The following ENPEP variants were observed in gnomAD, a reference collection of about 807,000 sequenced individuals.
The protein encoded by ENPEP is AP-A.
In ENPEP, 103 loss-of-function variants were observed where a neutral mutation model predicts 114.5. The ratio of observed to expected loss-of-function variants is 0.90; its 90% CI spans 0.77 to 1.06. The LOEUF is 1.06. Among genes scored for constraint, ENPEP ranks in the 50% least tolerant of loss-of-function variants. The pLI is 0.00. For missense variants in ENPEP, 1,196 were observed against 1,161.3 expected, an observed-to-expected ratio of 1.03 and a Z score of -0.43; for synonymous variants, 420 against 422.0, an observed-to-expected ratio of 1.00 and a Z score of 0.06.
rs1727746756 is a variant in ENPEP at position 110,563,686 on chromosome 4, A to G, written c.*2128A>G. On this transcript the variant is annotated 3_prime_UTR_variant, in exon 20 of 20. Transcript: ENST00000265162. The stretch of plus-strand genomic sequence containing the variant: ...GAAAAAAAGTAACCATTTAATTTCA[A>G]GAATTAACTGGAAAATATGGGAAGC... The G allele has an allele frequency of 6.6e-6, 1 of 152,230 alleles. No homozygotes were observed. The highest frequency in any genetic ancestry group is 2.1e-4 in the South Asian group (1 of 4,832). 9.4% of individuals were successfully genotyped at this position (152,230 alleles called of 1,614,324 possible).
Position 110,520,073 on chromosome 4 carries a change from G to C in ENPEP, c.1575G>C (p.Glu525Asp). The change falls in exon 9 of 20, where the codon GAG becomes GAC. Residue 525 changes from glutamate (E) to aspartate (D), a missense_variant and splice_region_variant. By Grantham distance (45) the Glu-to-Asp change is conservative (BLOSUM62 2). Transcript: ENST00000265162. ...CTGATTTTTGGGCAGCACTGGAAGA[G>C]GTAAGGAAGAGTATATGTCCCCAAA... is the stretch of plus-strand genomic sequence containing the variant. ...KTSDFWAALE[E>D]ASRLPVKEVM... 1 of 1,613,814 alleles carries C rather than the reference G, an allele frequency of 6.2e-7. No homozygotes were observed. The highest frequency in any genetic ancestry group is 8.5e-7 in the Non-Finnish European group (1 of 1,179,778).
At chr4:110,538,123 T>C (rs1004264107) in intron 11 of ENPEP, among the ~76,000 whole-genome samples, 1 of 152,220 alleles carries the variant, frequency 6.6e-6, no homozygotes, top group South Asian at 2.1e-4. Flanking sequence ...ACCAGCTGCA[T>C]CCACCCCTAA....
Position 110,561,398 on chromosome 4 carries a change from T to C in ENPEP, c.2722-8T>C. 1 of 1,612,800 alleles carries C rather than the reference T, an allele frequency of 6.2e-7. No homozygotes were observed. The highest frequency in any genetic ancestry group is 2.2e-5 in the East Asian group (1 of 44,846). On this transcript the variant is annotated splice_polypyrimidine_tract_variant and splice_region_variant and intron_variant, in intron 19 of 19. Transcript: ENST00000265162. ...TGACAATCCTAATTACTCCCCTCTC[T>C]TTTCTAGATGGAGAGCTTTTTTGCA...
intron 3 of ENPEP, chr4:110,506,149 C>T (rs1386654804): frequency 6.6e-6 from 1 of 152,236 alleles, no homozygotes; most frequent in African/African-American, 2.4e-5. Context: ...GGGCTCTTTG[C>T]ATGAGAAAAA....
chr4:110,507,512 T>C (rs929528048), intron 4 of ENPEP, among the ~76,000 whole-genome samples: 1 of 152,228 alleles, frequency 6.6e-6, no homozygotes, highest in African/African-American at 2.4e-5. Flanking sequence ...TTTACTTTAA[T>C]AACTTATCAA....
At chr4:110,525,874 C>G (rs1031923073) in intron 10 of ENPEP, among the ~76,000 whole-genome samples, 2 of 152,108 alleles carry the variant, frequency 1.3e-5, no homozygotes, top group East Asian at 3.9e-4. Flanking sequence ...GAGAGGGAAG[C>G]AGGAGGTGGA....
intron 13 of ENPEP, 138 bp downstream of exon 13, chr4:110,543,208 TTCC>T: frequency 1.2e-6 from 1 of 830,620 alleles, no homozygotes; most frequent in Non-Finnish European, 1.9e-6. Flanking sequence ...CATTATTGTT[TTCC>T]TTAACTCTCT....
chr4:110,541,252 A>T (rs1293600381), intron 11 of ENPEP, among the ~76,000 whole-genome samples: 1 of 152,062 alleles, frequency 6.6e-6, no homozygotes, highest in Non-Finnish European at 1.5e-5. Flanking sequence ...ATTATGAAAA[A>T]CTACTGTGTC....
At chr4:110,501,155 A>C (rs1463045896) in intron 3 of ENPEP, among the ~76,000 whole-genome samples, 1 of 152,208 alleles carries the variant, frequency 6.6e-6, no homozygotes, top group African/African-American at 2.4e-5. Context: ...GCTTTGGCTT[A>C]ATATGTTACA....
In ENPEP at chr4:110,491,064, G is replaced by A. The variant is rs546059710; in HGVS notation, c.818G>A (p.Arg273Gln). ...KEESVDDKWT[R>Q]TTFEKSVPMS... is the part of the protein sequence containing the mutation. ...GAGTCAGTGGATGATAAATGGACTC[G>A]AACAACTTTTGAGAAGTCTGTCCCC... Residue 273 changes from arginine to glutamine, a missense_variant, in exon 3 of 20, where the codon CGA (arginine) becomes CAA (glutamine). Transcript: ENST00000265162. 13 of 1,610,770 alleles carry A rather than the reference G, an allele frequency of 8.1e-6. No homozygotes were observed. The highest frequency in any genetic ancestry group is 6.7e-5 in the East Asian group (3 of 44,832).
In ENPEP at chr4:110,506,547, C is replaced by T. The variant is rs1725374480; in HGVS notation, c.919-90C>T. On this transcript the variant is annotated intron_variant, in intron 3 of 19. Transcript: ENST00000265162. ...TAGACATATCTGGCTCCAAAGCCCA[C>T]TTTCTTTCAAGTATGTTATGCATCA... 7 of 1,381,690 alleles carry T rather than the reference C, an allele frequency of 5.1e-6. No homozygotes were observed. In the South Asian group the frequency reaches 1.1e-4, roughly 22 times the overall value. The allele number at this position is 1,381,690 out of a possible 1,614,324, so 85.6% of individuals were successfully genotyped here. A position where few individuals can be genotyped will look rare whatever the true frequency, so the allele number is the denominator to read the frequency against.
chr4:110,533,323 G>A, intron 11 of ENPEP: 3 of 159,698 alleles, frequency 1.9e-5, no homozygotes, highest in Non-Finnish European at 4.1e-5. Context: ...AGAATATTTG[G>A]AATAATAAAT....
chr4:110,505,773 C>T (rs889599799), intron 3 of ENPEP, among the ~76,000 whole-genome samples: 9 of 152,182 alleles, frequency 5.9e-5, no homozygotes, highest in Non-Finnish European at 1.0e-4. Flanking sequence ...TTAGCAGACA[C>T]TAGTTGTCTG....
chr4:110,477,427 T>C (rs1488436279), intron 1 of ENPEP, among the ~76,000 whole-genome samples: 1 of 152,230 alleles, frequency 6.6e-6, no homozygotes, highest in African/African-American at 2.4e-5. Context: ...TAGCAATATA[T>C]ATACAGCAAT....
intron 3 of ENPEP, among the ~76,000 whole-genome samples, chr4:110,495,349 A>G (rs1272399052): frequency 1.3e-5 from 2 of 152,216 alleles, no homozygotes; most frequent in Non-Finnish European, 2.9e-5. Flanking sequence ...TTTCTGAGGT[A>G]CAGTTGACCT....
intron 3 of ENPEP, among the ~76,000 whole-genome samples, chr4:110,500,722 C>T (rs370942257): frequency 2.6e-5 from 4 of 152,032 alleles, no homozygotes; most frequent in South Asian, 2.1e-4. Flanking sequence ...GGTTGTCACA[C>T]GCTTAAAAAA....
chr4:110,494,477 C>G (rs1017745405), intron 3 of ENPEP, among the ~76,000 whole-genome samples: 1 of 152,218 alleles, frequency 6.6e-6, no homozygotes, highest in African/African-American at 2.4e-5. Flanking sequence ...ACATTAACCA[C>G]CTGCTATTCA....
chr4:110,553,470 T>C lies in ENPEP; in HGVS notation c.2642+15T>C. ...CTAGTCAACAGGTGGGATGATCTGATGATGGTCTGCTGTTTTCTTTGTTTC... is the reference window on the plus strand; with the variant it reads ...CTAGTCAACAGGTGGGATGATCTGACGATGGTCTGCTGTTTTCTTTGTTTC... On this transcript the variant is annotated intron_variant, in intron 18 of 19. Coordinates refer to ENST00000265162, the MANE Select transcript of ENPEP (RefSeq NM_001977.4). 6.2e-7 allele frequency: 1 copy of C among 1,602,882 alleles called. No individual in the cohort carries two copies. Among genetic ancestry groups the C allele is most frequent in the Non-Finnish European group, 8.5e-7 (1 of 1,172,944 alleles).
chr4:110,491,082 C>G lies in ENPEP; in HGVS notation c.836C>G (p.Ser279Cys), dbSNP rs1404822090. ...TGGACTCGAACAACTTTTGAGAAGT[C>G]TGTCCCCATGAGCACGTACCTGGTG... ...DKWTRTTFEKSVPMSTYLVCF... is the reference protein window; with the variant it reads ...DKWTRTTFEKCVPMSTYLVCF... The change falls in exon 3 of 20, where the codon TCT becomes TGT. Residue 279 changes from serine (S) to cysteine (C), a missense_variant. Physicochemically the swap from Ser to Cys is moderately radical, Grantham distance 112 (BLOSUM62 -1). Transcript: ENST00000265162. 6.2e-7 allele frequency: 1 copy of G among 1,612,642 alleles called. No individual in the cohort carries two copies. The highest frequency in any genetic ancestry group is 8.5e-7 in the Non-Finnish European group (1 of 1,179,918).
Sources: gnomAD v4.1 joint callset for allele counts (sites outside exome capture counted in the v4.1 genomes callset) on GRCh38, gnomAD v4.1.1 for gene constraint, MANE v1.5 for transcripts, NCBI Gene and HGNC (gene_info 2026-07-23, HGNC 2026-07-21) for gene names.